NLRC3: variants seen among roughly 807,000 people sequenced by gnomAD.
The protein encoded by NLRC3 is NLR family CARD domain-containing protein 3.
NLRC3 carries 87 observed loss-of-function variants against 91.6 expected under a neutral mutation model. The ratio of observed to expected loss-of-function variants is 0.95; its 90% CI spans 0.80 to 1.14. The LOEUF is 1.14. Among genes scored for constraint, NLRC3 ranks in the 50% most tolerant of loss-of-function variants. The probability of loss-of-function intolerance (pLI) is 0.00; values close to 1 mark genes in which losing one functional copy is unlikely to be tolerated. For missense variants in NLRC3, 1,577 were observed against 1,418.6 expected (o/e 1.11, Z -1.79); for synonymous variants, 694 against 625.3 (o/e 1.11, Z -1.64).
chr16:3,562,026 C>T (rs1472165452), intron 5 of NLRC3, among the ~76,000 whole-genome samples: 1 of 152,216 alleles, frequency 6.6e-6, no homozygotes, highest in African/African-American at 2.4e-5. Flanking sequence ...TCCTCACCAC[C>T]CCACATACCG....
At chr16:3,567,116 G>GC in intron 2 of NLRC3, 127 bp downstream of exon 2, 1 of 152,206 alleles carries the variant, frequency 6.6e-6, no homozygotes, top group Non-Finnish European at 1.5e-5. Flanking sequence ...CAAAGCCAAG[G>GC]CCCCCCACTC....
intron 8 of NLRC3, among the ~76,000 whole-genome samples, chr16:3,554,757 C>A (rs567539252): frequency 1.3e-5 from 2 of 152,322 alleles, no homozygotes; most frequent in Non-Finnish European, 2.9e-5. Flanking sequence ...CCAGCAATTC[C>A]ATTCCTAGGT....
chr16:3,548,394 G>A (rs541121516), intron 14 of NLRC3, among the ~76,000 whole-genome samples, 176 bp from the exon 15 acceptor site: 9 of 152,342 alleles, frequency 5.9e-5, no homozygotes, highest in South Asian at 4.1e-4. Context: ...CTGGTTAGCC[G>A]TGGCCAGAGG....
intron 6 of NLRC3, among the ~76,000 whole-genome samples, chr16:3,558,518 C>A (rs567015554): frequency 6.6e-6 from 1 of 152,052 alleles, no homozygotes; most frequent in Non-Finnish European, 1.5e-5. Context: ...ATCCTAGCCT[C>A]TTTTCTAGTG....
intron 15 of NLRC3, among the ~76,000 whole-genome samples, chr16:3,546,749 G>T (rs928920539): frequency 2.0e-5 from 3 of 152,148 alleles, no homozygotes; most frequent in African/African-American, 7.2e-5. Flanking sequence ...CGCAGGTCTA[G>T]GGTTGAGGAG....
Position 3,565,056 on chromosome 16 carries a change from A to C in NLRC3, c.-20T>G. On this transcript the variant is annotated 5_prime_UTR_variant, in exon 4 of 20. Coordinates refer to ENST00000359128, the MANE Select transcript of NLRC3 (RefSeq NM_178844.4). ...CCTCATGGAGTCGGGGATCACCTCCAGGAGCTGTGAAGAGAGGGCCTGAAC... is the reference window on the plus strand; with the variant it reads ...CCTCATGGAGTCGGGGATCACCTCCCGGAGCTGTGAAGAGAGGGCCTGAAC... 4.4e-6 allele frequency: 7 copies of C among 1,604,926 alleles called. No homozygotes were observed. Among genetic ancestry groups the C allele is most frequent in the Non-Finnish European group, 5.9e-6 (7 of 1,178,668 alleles).
chr16:3,562,477 C>T (rs552645717), intron 5 of NLRC3, among the ~76,000 whole-genome samples: 6 of 152,126 alleles, frequency 3.9e-5, no homozygotes, highest in Non-Finnish European at 8.8e-5. Context: ...CCCGTCTCTA[C>T]TAAAAACACA....
intron 1 of NLRC3, among the ~76,000 whole-genome samples, chr16:3,570,608 G>A (rs185038493): frequency 1.8e-4 from 28 of 152,284 alleles, no homozygotes; most frequent in East Asian, 1.9e-4. Context: ...GGTAATTGGC[G>A]GCTGGGGAAG....
rs942946351 is a variant in NLRC3 at position 3,539,133 on chromosome 16, G to A, written c.*2692C>T. The A allele has an allele frequency of 5.3e-5, 8 of 152,296 alleles. No homozygotes were observed. The highest frequency in any genetic ancestry group is 1.9e-4 in the African/African-American group (8 of 41,556). The allele number at this position is 152,296 out of a possible 1,614,324, so 9.4% of individuals were successfully genotyped here. A position where few individuals can be genotyped will look rare whatever the true frequency, so the allele number is the denominator to read the frequency against. On this transcript the variant is annotated 3_prime_UTR_variant, in exon 20 of 20. Transcript: ENST00000359128. ...CTGCTGTTTCTCTTTTAGCGTACAA[G>A]AAGAAATAGATCCCTCTCATTAGCA...
At position 3,564,541 on chromosome 16, in the gene NLRC3, G is replaced by T; in HGVS notation, c.396C>A (p.Ser132=). Residue 132 remains serine (S), a synonymous_variant, in exon 5 of 20, where the codon TCC becomes TCA. Coordinates refer to ENST00000359128, the MANE Select transcript of NLRC3 (RefSeq NM_178844.4). This position sits in a 1 kb window ranked among gnomAD's most constrained non-coding sequence, Gnocchi z 5.9. ...VALDRLFLPL[S]RVSVPPRVSI... is the part of the protein sequence containing the mutation. Reference sequence around the variant, plus strand: ...AGACCCGGGGTGGGACAGACACCCGGGAGAGAGGCAGGAAGAGCCGGTCCA... The same window carrying T: ...AGACCCGGGGTGGGACAGACACCCGTGAGAGAGGCAGGAAGAGCCGGTCCA... The T allele has an allele frequency of 6.2e-7, 1 of 1,612,132 alleles. No individual in the cohort carries two copies. The highest frequency in any genetic ancestry group is 8.5e-7 in the Non-Finnish European group (1 of 1,179,660).
intron 1 of NLRC3, among the ~76,000 whole-genome samples, chr16:3,575,208 A>T (rs1451536083): frequency 6.6e-6 from 1 of 152,064 alleles, no homozygotes; most frequent in Non-Finnish European, 1.5e-5. Context: ...GTGCAGGTGA[A>T]CCAACCCCCC....
At chr16:3,543,569 C>T (rs559670342) in intron 16 of NLRC3, 61 bp from the exon 17 acceptor site, 45 of 1,123,654 alleles carry the variant, frequency 4.0e-5, no homozygotes, top group Middle Eastern at 2.0e-4. Flanking sequence ...CCGCATACTC[C>T]GTTCCCTTTC....
In NLRC3 at chr16:3,549,142, T is replaced by C. The variant is rs762311182; in HGVS notation, c.2603A>G (p.Asp868Gly). The C allele has an allele frequency of 6.4e-7, 1 of 1,570,212 alleles. No homozygotes were observed. The highest frequency in any genetic ancestry group is 1.9e-5 in the Admixed American group (1 of 53,608). The change falls in exon 13 of 20, where the codon GAC (aspartate) becomes GGC (glycine). Residue 868 changes from aspartate to glycine, a missense_variant and splice_region_variant. Transcript: ENST00000359128. ...GGAGTCACAGGCCCCCACCACGTAC[T>C]CCAGGTTCTTCAGGGTGCTGTTGGC... is the stretch of plus-strand genomic sequence containing the variant. Reference protein sequence around the residue: ...LCANSTLKNLDLTANLLHDQG... With the variant: ...LCANSTLKNLGLTANLLHDQG...
intron 8 of NLRC3, 133 bp downstream of exon 8, chr16:3,556,778 C>T (rs2039356938): frequency 3.1e-6 from 2 of 655,058 alleles, no homozygotes; most frequent in East Asian, 5.6e-5. Flanking sequence ...GTTGGGATTA[C>T]AGATGTGAGC....
Position 3,550,451 on chromosome 16 carries a change from C to G in NLRC3, c.2398G>C (p.Glu800Gln). The change falls in exon 11 of 20, where the codon GAG (glutamate) becomes CAG (glutamine). Residue 800 changes from glutamate to glutamine, a missense_variant. By Grantham distance (29) the Glu-to-Gln change is conservative. Transcript: ENST00000359128. ...AGGCCCTGGTTCACCTTCAGGGCCT[C>G]AGCCAGGGCCTTGGCACCTCCATCA... is the stretch of plus-strand genomic sequence containing the variant. ...IGDGGAKALA[E>Q]ALKVNQGLES... The G allele has an allele frequency of 6.2e-7, 1 of 1,613,628 alleles. No homozygotes were observed. Among genetic ancestry groups the G allele is most frequent in the Non-Finnish European group, 8.5e-7 (1 of 1,179,536 alleles).
rs1340215501 is a variant in NLRC3 at position 3,549,135 on chromosome 16, C to G, written c.2603+7G>C. ...AGCCTGTGGAGTCACAGGCCCCCAC[C>G]ACGTACTCCAGGTTCTTCAGGGTGC... On this transcript the variant is annotated splice_region_variant and intron_variant, in intron 13 of 19. Transcript: ENST00000359128. The G allele has an allele frequency of 6.4e-7, 1 of 1,563,412 alleles. No homozygotes were observed. Among genetic ancestry groups the G allele is most frequent in the Non-Finnish European group, 8.7e-7 (1 of 1,152,182 alleles).
At position 3,539,230 on chromosome 16, in the gene NLRC3, C is replaced by T. The variant is rs1322903080; in HGVS notation, c.*2595G>A. On this transcript the variant is annotated 3_prime_UTR_variant, in exon 20 of 20. Transcript: ENST00000359128. Reference sequence around the variant, plus strand: ...GGTAAGCAACACACTACATAAATATCATAGCTGTTAGACCCAGGGGACTCT... The same window carrying T: ...GGTAAGCAACACACTACATAAATATTATAGCTGTTAGACCCAGGGGACTCT... 6.6e-6 allele frequency: 1 copy of T among 152,156 alleles called. No individual in the cohort carries two copies. Among genetic ancestry groups the T allele is most frequent in the Admixed American group, 6.5e-5 (1 of 15,270 alleles). The allele number at this position is 152,156 out of a possible 1,614,324, so 9.4% of individuals were successfully genotyped here. A position where few individuals can be genotyped will look rare whatever the true frequency, so the allele number is the denominator to read the frequency against.
chr16:3,546,266 A>C (rs2038683868), intron 15 of NLRC3, among the ~76,000 whole-genome samples: 2 of 151,732 alleles, frequency 1.3e-5, no homozygotes, highest in Admixed American at 6.6e-5. Flanking sequence ...TTTAAAAAAT[A>C]AGTTATATGC....
intron 9 of NLRC3, among the ~76,000 whole-genome samples, chr16:3,553,691 GTATTTTATTTTATATTTTAT>G (rs1470819298): frequency 4.7e-5 from 7 of 150,494 alleles, no homozygotes; most frequent in Admixed American, 2.0e-4. Flanking sequence ...TTGGTAGAAG[GTATTTTATTTTATATTTTAT>G]TATTTTATTT....
Sources: allele counts gnomAD v4.1 joint callset (sites outside exome capture counted in the v4.1 genomes callset), GRCh38; gene constraint gnomAD v4.1.1; non-coding constraint Gnocchi (gnomAD v3.1); transcripts MANE v1.5; gene names NCBI Gene and HGNC (gene_info 2026-07-23, HGNC 2026-07-21).